HTR2C: variants seen among roughly 807,000 people sequenced by gnomAD.
The protein encoded by HTR2C is 5-hydroxytryptamine receptor 2C, also known as 5-hydroxytryptamine (serotonin) receptor 2C, G protein-coupled.
HTR2C carries 5 observed loss-of-function variants against 21.0 expected under a neutral mutation model. The observed-to-expected ratio is 0.24, with a 90% CI of 0.12 to 0.50. The LOEUF (loss-of-function observed/expected upper bound fraction) is 0.50. Among genes scored for constraint, HTR2C ranks in the 20% least tolerant of loss-of-function variants. The probability of loss-of-function intolerance (pLI) is 0.98; values close to 1 mark genes in which losing one functional copy is unlikely to be tolerated. For synonymous variants in HTR2C, 150 were observed against 145.3 expected, an observed-to-expected ratio of 1.03 and a Z score of -0.23; for missense variants, 271 against 371.2, an observed-to-expected ratio of 0.73 and a Z score of 2.22.
At chrX:114,824,788 G>A (rs2070664491) in intron 4 of HTR2C, among the ~76,000 whole-genome samples, 1 of 112,051 alleles carries the variant, frequency 8.9e-6, no homozygotes, top group Admixed American at 9.5e-5. Context: ...TTGGGATTTA[G>A]AGCATTTATA....
intron 4 of HTR2C, among the ~76,000 whole-genome samples, chrX:114,759,292 T>C (rs782424550): frequency 1.8e-5 from 2 of 111,226 alleles, no homozygotes; most frequent in Middle Eastern, 9.3e-3. Flanking sequence ...GCAGCTTCCA[T>C]TTGATTGGTC....
At chrX:114,625,627 C>T (rs782813698) in intron 2 of HTR2C, among the ~76,000 whole-genome samples, 1 of 112,032 alleles carries the variant, frequency 8.9e-6, no homozygotes, top group Non-Finnish European at 1.9e-5. Flanking sequence ...GCCAAATGAA[C>T]CCCTTTTTAA....
intron 5 of HTR2C, among the ~76,000 whole-genome samples, chrX:114,885,702 T>C (rs1450060325): frequency 8.9e-6 from 1 of 111,746 alleles, no homozygotes; most frequent in Non-Finnish European, 1.9e-5. Flanking sequence ...ATTTAGGTTA[T>C]TACTGTCAAT....
At chrX:114,858,708 A>C (rs782352029) in intron 5 of HTR2C, among the ~76,000 whole-genome samples, 11 of 110,712 alleles carry the variant, frequency 9.9e-5, no homozygotes, top group African/African-American at 3.6e-4. Flanking sequence ...TTGCACTGGT[A>C]GGACTTAGAA....
chrX:114,661,215 G>A (rs1471192244), intron 2 of HTR2C, among the ~76,000 whole-genome samples: 1 of 111,354 alleles, frequency 9.0e-6, no homozygotes, highest in East Asian at 2.9e-4. Flanking sequence ...AGCACTTTGG[G>A]AGGCCGAGAA....
intron 1 of HTR2C, among the ~76,000 whole-genome samples, chrX:114,611,702 T>C (rs1928740366): frequency 8.9e-6 from 1 of 111,829 alleles, no homozygotes; most frequent in Non-Finnish European, 1.9e-5. Context: ...TTTTTTTAGT[T>C]TTTTTCTTTT....
At chrX:114,709,556 G>A (rs1477052329) in intron 2 of HTR2C, among the ~76,000 whole-genome samples, 1 of 112,252 alleles carries the variant, frequency 8.9e-6, no homozygotes, top group East Asian at 2.8e-4. Flanking sequence ...AGATTTAACA[G>A]AGTTTTGCAT....
intron 4 of HTR2C, among the ~76,000 whole-genome samples, chrX:114,821,909 C>T (rs1332066712): frequency 7.1e-5 from 7 of 98,043 alleles, no homozygotes; most frequent in East Asian, 3.2e-4. Flanking sequence ...GATGGAGTCT[C>T]ACTCTGTCTC....
intron 2 of HTR2C, chrX:114,631,008 A>G: frequency 4.2e-6 from 1 of 238,271 alleles, no homozygotes; most frequent in Non-Finnish European, 8.5e-6. Flanking sequence ...ATTACTAGAA[A>G]AGCGTGACTA....
intron 4 of HTR2C, among the ~76,000 whole-genome samples, chrX:114,797,904 T>C (rs1301587594): frequency 3.6e-5 from 4 of 112,023 alleles, no homozygotes; most frequent in South Asian, 3.6e-4. Context: ...AAATTAATTT[T>C]GTAGTTATTA....
intron 2 of HTR2C, among the ~76,000 whole-genome samples, chrX:114,643,430 T>G (rs1439746548): frequency 1.8e-5 from 2 of 111,254 alleles, no homozygotes; most frequent in Non-Finnish European, 3.8e-5. Flanking sequence ...CCATAAAGCT[T>G]TATCAGCCTT....
chrX:114,634,576 G>A lies in HTR2C; in HGVS notation c.-80+20695G>A, dbSNP rs1381843276. On this transcript the variant is annotated intron_variant, in intron 2 of 5. Coordinates refer to ENST00000276198, the MANE Select transcript of HTR2C (RefSeq NM_000868.4). The stretch of plus-strand genomic sequence containing the variant: ...TGTAATCCCAGCACTTCAGGAGGCC[G>A]AGGTGGGCAGATCACTTGAGCTCAG... 2.7e-5 allele frequency among the ~76,000 whole-genome samples: 3 copies of A among 110,881 alleles called. No homozygotes were observed. The East Asian group carries it at 8.6e-4, about 32-fold the overall frequency.
At chrX:114,731,634 A>G (rs782034645) in intron 4 of HTR2C, 27 bp downstream of exon 4, 6 of 1,011,240 alleles carry the variant, frequency 5.9e-6, no homozygotes, top group Non-Finnish European at 8.2e-6. Flanking sequence ...TCACTTTTCA[A>G]TCTCGTATAA....
chrX:114,627,233 T>A (rs1051885105), intron 2 of HTR2C, among the ~76,000 whole-genome samples: 1 of 111,322 alleles, frequency 9.0e-6, no homozygotes, highest in East Asian at 2.8e-4. Flanking sequence ...CTGTAAACCA[T>A]AGACTGATAG....
intron 3 of HTR2C, 56 bp downstream of exon 3, chrX:114,727,027 G>T: frequency 1.4e-6 from 1 of 704,966 alleles, no homozygotes; most frequent in Non-Finnish European, 2.0e-6. Context: ...TTGGTAGCTT[G>T]CTCAACATGT....
chrX:114,730,851 C>T (rs1433236836), intron 3 of HTR2C, among the ~76,000 whole-genome samples: 2 of 111,287 alleles, frequency 1.8e-5, no homozygotes, highest in Non-Finnish European at 3.8e-5. Context: ...GGTTTCAGAT[C>T]GCAGTAAAAG....
chrX:114,778,460 G>A (rs1156938887), intron 4 of HTR2C, among the ~76,000 whole-genome samples: 4 of 110,347 alleles, frequency 3.6e-5, no homozygotes, highest in Non-Finnish European at 7.6e-5. Flanking sequence ...AGTTCACATG[G>A]TAGAAACTTC....
intron 2 of HTR2C, among the ~76,000 whole-genome samples, chrX:114,665,862 C>T (rs1352556394): frequency 9.0e-6 from 1 of 110,955 alleles, no homozygotes; most frequent in Non-Finnish European, 1.9e-5. Flanking sequence ...AAAATCTGTG[C>T]ATAAGTGGAC....
chrX:114,619,362 C>T (rs782076223), intron 2 of HTR2C, among the ~76,000 whole-genome samples: 2 of 111,587 alleles, frequency 1.8e-5, no homozygotes, highest in Admixed American at 9.6e-5. Flanking sequence ...TTTGCACTCC[C>T]AAATCCGTTC....
Sources: allele counts gnomAD v4.1 joint callset (sites outside exome capture counted in the v4.1 genomes callset), GRCh38; gene constraint gnomAD v4.1.1; transcripts MANE v1.5; gene names NCBI Gene and HGNC (gene_info 2026-07-23, HGNC 2026-07-21).